The following ABCA5 variants were observed in gnomAD, a reference collection of about 807,000 sequenced individuals.
The protein encoded by ABCA5 is ATP binding cassette subfamily A member 5.
A neutral mutation model predicts 206.0 loss-of-function variants in ABCA5; 163 were observed. That is an observed-to-expected ratio of 0.79 (90% confidence interval 0.70 to 0.90). ABCA5 has a LOEUF of 0.90. Ranked by LOEUF, ABCA5 falls within the 40% of genes least tolerant of loss-of-function variation. The pLI is 0.00. For missense variants in ABCA5, 1,859 were observed against 1,912.9 expected (o/e 0.97, Z 0.53); for synonymous variants, 609 against 613.8 (o/e 0.99, Z 0.11).
chr17:69,322,363 C>CAAAAAAAAAAAAAAAAAAAAAAAAAA (rs3029978), intron 1 of ABCA5, among the ~76,000 whole-genome samples: 1 of 52,388 alleles, frequency 1.9e-5, no homozygotes, highest in Non-Finnish European at 3.3e-5. Flanking sequence ...GATTCCGTCT[C>CAAAAAAAAAAAAAAAAAAAAAAAAAA]AAAAAAAAAA....
intron 37 of ABCA5, chr17:69,249,000 T>G (rs2074983181): frequency 6.6e-6 from 1 of 152,248 alleles, no homozygotes; most frequent in Non-Finnish European, 1.5e-5. Context: ...GTGCTGAGAT[T>G]ATAGGTGTGA....
intron 15 of ABCA5, 121 bp downstream of exon 15, chr17:69,287,492 G>A: frequency 7.6e-7 from 1 of 1,317,550 alleles, no homozygotes; most frequent in South Asian, 2.0e-5. Context: ...AACTTTTTTT[G>A]TGAAGGAAAC....
intron 10 of ABCA5, among the ~76,000 whole-genome samples, chr17:69,295,227 C>T (rs1188216245): frequency 6.6e-6 from 1 of 152,196 alleles, no homozygotes; most frequent in African/African-American, 2.4e-5. Flanking sequence ...ACCGCACCCA[C>T]AGACCTCAAT....
At chr17:69,297,522 T>C (rs2075597255) in intron 9 of ABCA5, among the ~76,000 whole-genome samples, 163 bp from the exon 10 acceptor site, 1 of 152,236 alleles carries the variant, frequency 6.6e-6, no homozygotes, top group African/African-American at 2.4e-5. Flanking sequence ...TATACAATTT[T>C]CATTTGTCAT....
In ABCA5 at chr17:69,286,218, T is replaced by C; in HGVS notation, c.2132+3A>G. ...GAATAATGTCAATAAAAATGAATGATACCTCAGGCGGTAGCCGATCCCCCA... is the reference window on the plus strand; with the variant it reads ...GAATAATGTCAATAAAAATGAATGACACCTCAGGCGGTAGCCGATCCCCCA... On this transcript the variant is annotated splice_donor_region_variant and intron_variant, in intron 16 of 38. Transcript: ENST00000392676. 3 of 1,601,262 alleles carry C rather than the reference T, an allele frequency of 1.9e-6. No homozygotes were observed. The highest frequency in any genetic ancestry group is 2.6e-6 in the Non-Finnish European group (3 of 1,175,406).
chr17:69,308,893 A>C (rs1281755046), intron 4 of ABCA5, among the ~76,000 whole-genome samples: 1 of 152,148 alleles, frequency 6.6e-6, no homozygotes, highest in African/African-American at 2.4e-5. Flanking sequence ...ATATAAAACT[A>C]ATCAAGTTCA....
chr17:69,302,492 G>C (rs921103544), intron 8 of ABCA5, among the ~76,000 whole-genome samples: 1 of 152,064 alleles, frequency 6.6e-6, no homozygotes. Context: ...ATACACTGAA[G>C]TAAAAAGTAA....
intron 36 of ABCA5, 51 bp downstream of exon 36, chr17:69,250,421 T>C: frequency 2.0e-6 from 3 of 1,529,764 alleles, no homozygotes; most frequent in Non-Finnish European, 2.6e-6. Context: ...TAATAACTTT[T>C]TATAACCTTT....
chr17:69,325,303 T>C (rs1000125531), intron 1 of ABCA5, among the ~76,000 whole-genome samples: 1 of 142,746 alleles, frequency 7.0e-6, no homozygotes, highest in Non-Finnish European at 1.5e-5. Context: ...AATGAGACCC[T>C]GTCTCAAAAA....
At chr17:69,283,393 C>G (rs1273187115) in intron 18 of ABCA5, among the ~76,000 whole-genome samples, 1 of 152,132 alleles carries the variant, frequency 6.6e-6, no homozygotes, top group Non-Finnish European at 1.5e-5. Flanking sequence ...ATTCAACAAC[C>G]AGAACGTGTT....
rs760817492 is a variant in ABCA5, at chr17:69,270,604, T to C, written c.3030+9A>G. On this transcript the variant is annotated intron_variant, in intron 22 of 38. Transcript: ENST00000392676. The stretch of plus-strand genomic sequence containing the variant: ...ATATGGAAATTTATCTGTATATACA[T>C]TGGCTTACTTGAAAGAATGGGGTAC... The C allele has an allele frequency of 4.4e-6, 7 of 1,582,366 alleles. No individual in the cohort carries two copies. The highest frequency in any genetic ancestry group is 5.1e-6 in the Non-Finnish European group (6 of 1,168,640).
intron 1 of ABCA5, chr17:69,316,783 G>T (rs996433442): frequency 6.6e-6 from 1 of 152,112 alleles, no homozygotes; most frequent in East Asian, 1.9e-4. Context: ...AGAGAACAAT[G>T]ATGTATTACC....
At chr17:69,321,406 G>A (rs1181965499) in intron 1 of ABCA5, among the ~76,000 whole-genome samples, 1 of 152,144 alleles carries the variant, frequency 6.6e-6, no homozygotes, top group Non-Finnish European at 1.5e-5. Flanking sequence ...TGACTTATCA[G>A]GTGCCTTTTC....
At chr17:69,261,087 T>A (rs2075141511) in intron 26 of ABCA5, 38 bp downstream of exon 26, 1 of 1,470,890 alleles carries the variant, frequency 6.8e-7, no homozygotes, top group Non-Finnish European at 9.1e-7. Flanking sequence ...ATATTTATTT[T>A]ATGTTTTTTA....
At chr17:69,315,873 AC>A (rs2075811801) in intron 1 of ABCA5, among the ~76,000 whole-genome samples, 1 of 152,144 alleles carries the variant, frequency 6.6e-6, no homozygotes, top group Non-Finnish European at 1.5e-5. Context: ...ATCTGATAAA[AC>A]TTTTAAAGCA....
chr17:69,320,312 TA>T (rs2075853055), intron 1 of ABCA5, among the ~76,000 whole-genome samples: 1 of 152,126 alleles, frequency 6.6e-6, no homozygotes, highest in Non-Finnish European at 1.5e-5. Context: ...ATTAGTGAGC[TA>T]AATTGAAGCG....
rs1235397649 is a variant in ABCA5, at chr17:69,326,828, G to T, written c.-16+224C>A. Among the ~76,000 whole-genome samples, 2 of 152,060 alleles carry T rather than the reference G, an allele frequency of 1.3e-5. No individual in the cohort carries two copies. Among genetic ancestry groups the T allele is most frequent in the Non-Finnish European group, 2.9e-5 (2 of 67,982 alleles). The stretch of plus-strand genomic sequence containing the variant: ...TGGGCGCTCCCACCGCATCCCCGAG[G>T]CTGGCAACCCGCGCTTCCCGGGAGC... On this transcript the variant is annotated intron_variant, in intron 1 of 38. Transcript: ENST00000392676. The surrounding 1 kb of genome is among the most constrained non-coding windows in gnomAD (Gnocchi z 4.8).
At chr17:69,255,892 TATC>T (rs1166607664) in intron 29 of ABCA5, 42 bp from the exon 30 acceptor site, 1 of 1,457,406 alleles carries the variant, frequency 6.9e-7, no homozygotes, top group Non-Finnish European at 9.3e-7. Flanking sequence ...TTATAAAACT[TATC>T]ATGAAATGAC....
intron 14 of ABCA5, 71 bp downstream of exon 14, chr17:69,289,106 C>T: frequency 6.8e-7 from 1 of 1,466,004 alleles, no homozygotes; most frequent in East Asian, 2.5e-5. Context: ...TGTATTATAT[C>T]TTTCTACAAC....
Sources: gnomAD v4.1 joint callset for allele counts (sites outside exome capture counted in the v4.1 genomes callset) on GRCh38, gnomAD v4.1.1 for gene constraint, Gnocchi (gnomAD v3.1) non-coding constraint, MANE v1.5 for transcripts, NCBI Gene and HGNC (gene_info 2026-07-23, HGNC 2026-07-21) for gene names.